RNLS: variants seen among roughly 807,000 people sequenced by gnomAD.
RNLS encodes renalase, FAD dependent amine oxidase.
In RNLS, 39 loss-of-function variants were observed where a neutral mutation model predicts 39.8. That is an observed-to-expected ratio of 0.98 (90% CI 0.76 to 1.28). The LOEUF (loss-of-function observed/expected upper bound fraction) is 1.28. Ranked by LOEUF, RNLS falls within the 50% of genes most tolerant of loss-of-function variation. The probability of loss-of-function intolerance (pLI) is 0.00; values close to 1 mark genes in which losing one functional copy is unlikely to be tolerated. For synonymous variants in RNLS, 147 were observed against 150.7 expected, an observed-to-expected ratio of 0.98 and a Z score of 0.18; for missense variants, 410 against 413.3, an observed-to-expected ratio of 0.99 and a Z score of 0.07.
At chr10:88,216,450 G>A in the RNLS span, among the ~76,000 whole-genome samples, 1 of 152,184 alleles carries the variant, frequency 6.6e-6, no homozygotes, top group African/African-American at 2.4e-5. Flanking sequence ...CTCCTTTTAA[G>A]TAATATAATG....
At chr10:88,397,501 T>C (rs1250741098) in intron 4 of RNLS, among the ~76,000 whole-genome samples, 3 of 151,952 alleles carry the variant, frequency 2.0e-5, no homozygotes, top group African/African-American at 7.2e-5. Context: ...TAGGTGTAAA[T>C]GCTTATATTA....
chr10:88,218,316 C>G, the RNLS span, among the ~76,000 whole-genome samples: 43 of 152,168 alleles, frequency 2.8e-4, no homozygotes, highest in African/African-American at 9.6e-4. Context: ...TTAGACATTT[C>G]CAAGAAAAAT....
At chr10:88,248,245 T>C in the RNLS span, among the ~76,000 whole-genome samples, 1 of 152,242 alleles carries the variant, frequency 6.6e-6, no homozygotes, top group African/African-American at 2.4e-5. Context: ...TCTGGATTCA[T>C]TTTCACTTTA....
chr10:88,232,743 T>C, the RNLS span, among the ~76,000 whole-genome samples: 1 of 152,238 alleles, frequency 6.6e-6, no homozygotes, highest in Non-Finnish European at 1.5e-5. Flanking sequence ...AGTGGAGCCA[T>C]CTTTCAACCA....
chr10:88,301,708 C>T (rs141976445), intron 6 of RNLS, among the ~76,000 whole-genome samples: 3 of 152,312 alleles, frequency 2.0e-5, no homozygotes, highest in East Asian at 1.9e-4. Context: ...TCACTTTCAT[C>T]GCACCTTGTT....
downstream of RNLS, among the ~76,000 whole-genome samples, chr10:88,273,073 G>T (rs1206892884): frequency 6.6e-6 from 1 of 152,188 alleles, no homozygotes; most frequent in Non-Finnish European, 1.5e-5. Flanking sequence ...ACTGTGGATG[G>T]TGGTCACCCA....
intron 3 of RNLS, among the ~76,000 whole-genome samples, chr10:88,580,172 G>C (rs1263169745): frequency 2.0e-5 from 3 of 152,152 alleles, no homozygotes; most frequent in African/African-American, 7.2e-5. Flanking sequence ...AATCATGTGA[G>C]CCAATTCCTT....
chr10:88,240,038 A>G, the RNLS span, among the ~76,000 whole-genome samples: 1 of 152,208 alleles, frequency 6.6e-6, no homozygotes, highest in Non-Finnish European at 1.5e-5. Flanking sequence ...TAAAAACATA[A>G]TGAAAGATAT....
chr10:88,440,000 A>G (rs1194147199), intron 4 of RNLS, among the ~76,000 whole-genome samples: 4 of 152,190 alleles, frequency 2.6e-5, no homozygotes, highest in African/African-American at 9.7e-5. Context: ...TGCTTGTTAT[A>G]TCACTGTGTG....
At chr10:88,368,743 T>C (rs890804783) in intron 4 of RNLS, among the ~76,000 whole-genome samples, 8 of 152,136 alleles carry the variant, frequency 5.3e-5, no homozygotes, top group Admixed American at 3.9e-4. Context: ...TCCTTTATAA[T>C]TAACACTATT....
chr10:88,560,282 G>T (rs1158557336), intron 4 of RNLS, among the ~76,000 whole-genome samples: 1 of 151,896 alleles, frequency 6.6e-6, no homozygotes, highest in South Asian at 2.1e-4. Context: ...TATTGCAACA[G>T]TATTTCTCCC....
the RNLS span, among the ~76,000 whole-genome samples, chr10:88,187,511 G>A: frequency 0.085 from 12,874 of 152,128 alleles, 563 homozygotes; most frequent in Middle Eastern, 0.11. Flanking sequence ...ATGAGCTGCA[G>A]CATTTGAAAA....
At position 88,583,285 on chromosome 10, in the gene RNLS, T is replaced by G. The variant is rs998363367; in HGVS notation, c.-95A>C. ...GCGGCCGAACCGGCGCTAGCGCTCT[T>G]TGGTTCCGTGCTCCCTGGGCCGACC... On this transcript the variant is annotated 5_prime_UTR_variant, in exon 1 of 7. Coordinates refer to ENST00000331772, the MANE Select transcript of RNLS (RefSeq NM_001031709.3). 1 of 1,551,742 alleles carries G rather than the reference T, an allele frequency of 6.4e-7. No individual in the cohort carries two copies. Among genetic ancestry groups the G allele is most frequent in the African/African-American group, 1.4e-5 (1 of 73,460 alleles).
intron 4 of RNLS, among the ~76,000 whole-genome samples, chr10:88,394,971 C>T (rs1268991675): frequency 6.6e-6 from 1 of 151,932 alleles, no homozygotes; most frequent in Non-Finnish European, 1.5e-5. Flanking sequence ...CATGTTCTCA[C>T]TCATAGGTGG....
chr10:88,495,322 G>C (rs1845104405), intron 4 of RNLS, among the ~76,000 whole-genome samples: 2 of 152,106 alleles, frequency 1.3e-5, no homozygotes, highest in South Asian at 4.1e-4. Flanking sequence ...ATAGTCAATA[G>C]AGTCAATTTG....
chr10:88,579,095 A>C (rs1420202323), intron 3 of RNLS, among the ~76,000 whole-genome samples: 1 of 152,204 alleles, frequency 6.6e-6, no homozygotes, highest in Admixed American at 6.5e-5. Flanking sequence ...CTGAAGACCC[A>C]AAGATACAGG....
chr10:88,437,643 T>C (rs1841485101), intron 4 of RNLS, among the ~76,000 whole-genome samples: 1 of 152,132 alleles, frequency 6.6e-6, no homozygotes, highest in Admixed American at 6.5e-5. Flanking sequence ...CCTATGTAAC[T>C]CATGAGTCAT....
At chr10:88,450,268 G>A (rs916349309) in intron 4 of RNLS, among the ~76,000 whole-genome samples, 2 of 152,200 alleles carry the variant, frequency 1.3e-5, no homozygotes, top group African/African-American at 4.8e-5. Context: ...TCTAGGCTGA[G>A]TTCTTTAGAA....
chr10:88,328,605 T>C (rs949849240), intron 5 of RNLS, among the ~76,000 whole-genome samples: 7 of 152,196 alleles, frequency 4.6e-5, no homozygotes, highest in African/African-American at 1.2e-4. Flanking sequence ...GGAAATTATA[T>C]AGTTATATTT....
Sources: allele counts gnomAD v4.1 joint callset (sites outside exome capture counted in the v4.1 genomes callset), GRCh38; gene constraint gnomAD v4.1.1; transcripts MANE v1.5; gene names NCBI Gene and HGNC (gene_info 2026-07-23, HGNC 2026-07-21).